The following QPCT variants were observed in gnomAD, a reference collection of about 807,000 sequenced individuals.
QPCT encodes the protein EC.
QPCT carries 44 observed loss-of-function variants against 43.4 expected under a neutral mutation model. The ratio of observed to expected loss-of-function variants is 1.01; its 90% CI spans 0.80 to 1.30. The LOEUF (loss-of-function observed/expected upper bound fraction) is 1.30, where lower values mean the gene tolerates loss of function less well. Ranked by LOEUF, QPCT falls within the 50% of genes most tolerant of loss-of-function variation. The pLI is 0.00. For missense variants in QPCT, 526 were observed against 436.5 expected (o/e 1.21, Z -1.83); for synonymous variants, 168 against 168.4 (o/e 1.00, Z 0.02).
In QPCT at chr2:37,352,781, A is replaced by G. The variant is rs755303563; in HGVS notation, c.121-8A>G. The G allele has an allele frequency of 3.1e-6, 5 of 1,612,744 alleles. No homozygotes were observed. Among genetic ancestry groups the G allele is most frequent in the Middle Eastern group, 1.6e-4 (1 of 6,082 alleles). ...ATAGCTAGTTAAATGATTTCATTCA[A>G]TCCTCAGAATTACCACCAGCCAGCC... is the stretch of plus-strand genomic sequence containing the variant. On this transcript the variant is annotated splice_region_variant and splice_polypyrimidine_tract_variant and intron_variant, in intron 1 of 6. Coordinates refer to ENST00000338415, the MANE Select transcript of QPCT (RefSeq NM_012413.4).
intron 3 of QPCT, among the ~76,000 whole-genome samples, chr2:37,361,442 C>A (rs1462893874): frequency 6.6e-6 from 1 of 152,206 alleles, no homozygotes; most frequent in Non-Finnish European, 1.5e-5. Flanking sequence ...CTTCCTCATC[C>A]CTTCACTCTG....
In QPCT at chr2:37,372,799, T is replaced by C. The variant is rs116754028; in HGVS notation, c.1058T>C (p.Val353Ala). The C allele has an allele frequency of 5.3e-4, 849 of 1,611,760 alleles. No homozygotes were observed. In the African/African-American group the frequency reaches 9.9e-3, roughly 19 times the overall value. Reference sequence around the variant, plus strand: ...GACAATCTAAACAAAATCCTACAAGTCTTTGTGTTGGAATATCTTCATTTG... The same window carrying C: ...GACAATCTAAACAAAATCCTACAAGCCTTTGTGTTGGAATATCTTCATTTG... ...TIDNLNKILQ[V>A]FVLEYLHL Residue 353 changes from valine to alanine, a missense_variant, in exon 7 of 7, where the codon GTC becomes GCC. By Grantham distance (64) the Val-to-Ala change is moderately conservative. Coordinates refer to ENST00000338415, the MANE Select transcript of QPCT (RefSeq NM_012413.4).
intron 3 of QPCT, among the ~76,000 whole-genome samples, chr2:37,364,622 T>A: frequency 6.6e-6 from 1 of 152,238 alleles, no homozygotes; most frequent in Admixed American, 6.5e-5. Context: ...TTTGTGTACA[T>A]GGAAAAGGAC....
chr2:37,372,326 G>T, intron 5 of QPCT, 30 bp from the exon 6 acceptor site: 2 of 1,436,158 alleles, frequency 1.4e-6, no homozygotes, highest in Middle Eastern at 1.7e-4. Context: ...AAAAATAGTT[G>T]TTCATTTACT....
chr2:37,347,151 T>TATATATATAACATATATATATATAAC (rs1672506136), intron 1 of QPCT, among the ~76,000 whole-genome samples: 1 of 61,358 alleles, frequency 1.6e-5, no homozygotes, highest in African/African-American at 8.6e-5. Flanking sequence ...GTTTTATATA[T>TATATATATAACATATATATATATAAC]ATATATATAT....
In QPCT at chr2:37,369,751, T is replaced by A; in HGVS notation, c.790T>A (p.Ser264Thr). Residue 264 changes from serine to threonine, a missense_variant, in exon 5 of 7, where the codon TCA becomes ACA. Coordinates refer to ENST00000338415, the MANE Select transcript of QPCT (RefSeq NM_012413.4). ...AACGTTTCCCAATTTTTTTCCAAAC[T>A]CAGCCAGGTGGTTCGAAAGACTTCA... ...NPTFPNFFPNSARWFERLQAI... is the reference protein window; with the variant it reads ...NPTFPNFFPNTARWFERLQAI... 5 of 1,605,540 alleles carry A rather than the reference T, an allele frequency of 3.1e-6. No individual in the cohort carries two copies. The highest frequency in any genetic ancestry group is 4.3e-6 in the Non-Finnish European group (5 of 1,172,150).
At chr2:37,363,692 A>G (rs1319547731) in intron 3 of QPCT, among the ~76,000 whole-genome samples, 1 of 151,456 alleles carries the variant, frequency 6.6e-6, no homozygotes, top group Non-Finnish European at 1.5e-5. Flanking sequence ...AGAAAGCAAA[A>G]CAAATCATAC....
At chr2:37,370,243 T>C (rs80205663) in intron 5 of QPCT, among the ~76,000 whole-genome samples, 9,549 of 152,002 alleles carry the variant, frequency 0.063, 981 homozygotes, top group East Asian at 0.43. Context: ...TATACTTTAT[T>C]GGCTTTTTTT....
At chr2:37,369,100 G>A (rs1338864864) in intron 4 of QPCT, among the ~76,000 whole-genome samples, 1 of 152,228 alleles carries the variant, frequency 6.6e-6, no homozygotes, top group South Asian at 2.1e-4. Context: ...GAGAGTCCTC[G>A]TGATGAGATG....
chr2:37,352,986 C>T (rs1165917215), intron 2 of QPCT, 51 bp downstream of exon 2: 4 of 1,573,664 alleles, frequency 2.5e-6, no homozygotes, highest in Non-Finnish European at 3.5e-6. Context: ...TGTGCTTTCT[C>T]ATGAGGGATA....
rs772850180 is a variant in QPCT at position 37,359,607 on chromosome 2, C to T, written c.295C>T (p.Gln99Ter). The change falls in exon 3 of 7, where the codon CAG becomes TAG. Residue 99 changes from glutamine (Q) to a stop codon, truncating the protein, a stop_gained. Coordinates refer to ENST00000338415, the MANE Select transcript of QPCT (RefSeq NM_012413.4). LOFTEE classifies it high-confidence loss of function. The stretch of plus-strand genomic sequence containing the variant: ...CATCATGCAGCGAATTCAGAGGCTT[C>T]AGGCTGACTGGGTCTTGGAAATAGA... ...QHIMQRIQRL[Q>*]ADWVLEIDTF... is the part of the protein sequence containing the mutation. 6.2e-7 allele frequency: 1 copy of T among 1,614,052 alleles called. No homozygotes were observed. The highest frequency in any genetic ancestry group is 8.5e-7 in the Non-Finnish European group (1 of 1,180,026).
intron 3 of QPCT, among the ~76,000 whole-genome samples, chr2:37,361,911 G>T: frequency 6.6e-6 from 1 of 152,226 alleles, no homozygotes; most frequent in East Asian, 1.9e-4. Context: ...CATCAGGCCA[G>T]TCAGATTCTC....
At chr2:37,353,041 A>G in intron 2 of QPCT, 106 bp downstream of exon 2, 1 of 1,309,016 alleles carries the variant, frequency 7.6e-7, no homozygotes, top group Middle Eastern at 2.2e-4. Flanking sequence ...CAGATCTGTC[A>G]TCTCCTCATT....
intron 4 of QPCT, chr2:37,368,553 A>C (rs1468816): frequency 0.36 from 168,578 of 470,250 alleles, 38,799 homozygotes; most frequent in East Asian, 0.93. Context: ...CTATAAAAGT[A>C]CAAATGGTCA....
intron 3 of QPCT, among the ~76,000 whole-genome samples, chr2:37,365,337 C>G (rs1266715759): frequency 6.6e-6 from 1 of 152,100 alleles, no homozygotes; most frequent in East Asian, 1.9e-4. Flanking sequence ...GTGTTGAATG[C>G]TGACAATAAG....
intron 4 of QPCT, among the ~76,000 whole-genome samples, chr2:37,367,768 C>CCT (rs1039225960): frequency 2.0e-5 from 3 of 151,896 alleles, no homozygotes; most frequent in Admixed American, 2.0e-4. Context: ...ACTCAAGAGG[C>CCT]TAAGGCAGGA....
chr2:37,361,200 T>C (rs1462467449), intron 3 of QPCT, among the ~76,000 whole-genome samples: 1 of 152,228 alleles, frequency 6.6e-6, no homozygotes, highest in Admixed American at 6.5e-5. Context: ...GTATCAGATT[T>C]ATTCTTCCAG....
intron 2 of QPCT, among the ~76,000 whole-genome samples, chr2:37,356,379 A>T (rs772186835): frequency 6.6e-6 from 1 of 151,872 alleles, no homozygotes; most frequent in Non-Finnish European, 1.5e-5. Context: ...TAAAACATAG[A>T]TGTATAGCAA....
Position 37,360,376 on chromosome 2 carries a change from C to T in QPCT, c.546+518C>T, listed in dbSNP as rs188109349. On this transcript the variant is annotated intron_variant, in intron 3 of 6. Transcript: ENST00000338415. ...TTGTTATTATCTGTGAATCTCAGCTCCATTTTATGTAGCATAGCAGAGCTT... is the reference window on the plus strand; with the variant it reads ...TTGTTATTATCTGTGAATCTCAGCTTCATTTTATGTAGCATAGCAGAGCTT... Among the ~76,000 whole-genome samples, 398 of 152,212 alleles carry T rather than the reference C, an allele frequency of 2.6e-3. 1 individual carries two copies. Among genetic ancestry groups the T allele is most frequent in the Non-Finnish European group, 4.2e-3 (289 of 68,012 alleles).
Sources: allele counts gnomAD v4.1 joint callset (sites outside exome capture counted in the v4.1 genomes callset), GRCh38; gene constraint gnomAD v4.1.1; transcripts MANE v1.5; gene names NCBI Gene and HGNC (gene_info 2026-07-23, HGNC 2026-07-21).